Variants in CNIH3 observed in about 807,000 individuals in gnomAD.
CNIH3 encodes the protein protein cornichon homolog 3.
CNIH3 carries 14 observed loss-of-function variants against 24.1 expected under a neutral mutation model. The ratio of observed to expected loss-of-function variants is 0.58; its 90% CI spans 0.38 to 0.91. CNIH3 has a LOEUF of 0.91. Ranked by LOEUF, CNIH3 falls within the 40% of genes least tolerant of loss-of-function variation. The pLI is 0.00. For synonymous variants in CNIH3, 68 were observed against 73.8 expected (o/e 0.92, Z 0.40); for missense variants, 178 against 196.8 (o/e 0.90, Z 0.57).
intron 1 of CNIH3, among the ~76,000 whole-genome samples, chr1:224,647,098 T>C (rs1463010488): frequency 6.6e-6 from 1 of 152,192 alleles, no homozygotes; most frequent in Non-Finnish European, 1.5e-5. Context: ...GCGATTCTCC[T>C]GCTTCAGCCT....
intron 1 of CNIH3, among the ~76,000 whole-genome samples, chr1:224,450,588 G>T (rs1572263779): frequency 6.6e-6 from 1 of 152,200 alleles, no homozygotes; most frequent in East Asian, 1.9e-4. Context: ...GCATTAAAAG[G>T]ACACAATGAA....
At chr1:224,606,992 A>G (rs559647233) in intron 3 of CNIH3, among the ~76,000 whole-genome samples, 25 of 152,354 alleles carry the variant, frequency 1.6e-4, no homozygotes, top group African/African-American at 6.0e-4. Flanking sequence ...TATTTTAAAG[A>G]AAAAGGTGAT....
chr1:224,492,590 T>C (rs1677275922), intron 1 of CNIH3, among the ~76,000 whole-genome samples: 1 of 152,196 alleles, frequency 6.6e-6, no homozygotes, highest in South Asian at 2.1e-4. Context: ...ACATAATCAT[T>C]ATTGTTTGAA....
In CNIH3 at chr1:224,703,863, T is replaced by A. The variant is rs929250401; in HGVS notation, c.198+19020T>A. On this transcript the variant is annotated intron_variant, in intron 3 of 5. Coordinates refer to ENST00000272133, the MANE Select transcript of CNIH3 (RefSeq NM_152495.2). The surrounding 1 kb of genome is among the most constrained non-coding windows in gnomAD (Gnocchi z 4.2). ...CAGCAGGTATTTAGGCAGAACAAGA[T>A]GAGCACCTGCATATTCTCCCTGCAG... Among the ~76,000 whole-genome samples the A allele has an allele frequency of 2.0e-5, 3 of 152,194 alleles. No individual in the cohort carries two copies. The highest frequency in any genetic ancestry group is 1.5e-5 in the Non-Finnish European group (1 of 68,034).
intron 1 of CNIH3, among the ~76,000 whole-genome samples, chr1:224,654,432 T>G (rs1685005771): frequency 1.3e-5 from 2 of 152,316 alleles, no homozygotes; most frequent in Non-Finnish European, 2.9e-5. Flanking sequence ...CCCAGATGCA[T>G]GCCTCCTTGC....
Position 224,502,446 on chromosome 1 carries a change from T to G in CNIH3, n.204-13295T>G, listed in dbSNP as rs74355513. The stretch of plus-strand genomic sequence containing the variant: ...GGAGCAAGAGCCGAAAGCCTTTTAT[T>G]TGGAGGCTGGCCTATTTCTTTATCG... On this transcript the variant is annotated intron_variant and non_coding_transcript_variant, in intron 1 of 5. Coordinates refer to the CNIH3 transcript ENST00000471578. 6.2e-3 allele frequency among the ~76,000 whole-genome samples: 943 copies of G among 152,302 alleles called. 25 individuals carry two copies. The highest frequency in any genetic ancestry group is 0.041 in the East Asian group (211 of 5,178).
chr1:224,477,143 G>A (rs7536124), intron 1 of CNIH3, among the ~76,000 whole-genome samples: 126,154 of 152,170 alleles, frequency 0.83, 52,733 homozygotes, highest in East Asian at 0.97. Flanking sequence ...GAAAGCAAGC[G>A]GACTCACAGT....
At chr1:224,538,475 G>A (rs981380248), downstream of CNIH3, among the ~76,000 whole-genome samples, 1 of 152,040 alleles carries the variant, frequency 6.6e-6, no homozygotes, top group Non-Finnish European at 1.5e-5. Flanking sequence ...TCGTAGCACC[G>A]AATGAGGTTG....
At chr1:224,529,572 TA>T (rs1156507035) in intron 2 of CNIH3, among the ~76,000 whole-genome samples, 1 of 152,154 alleles carries the variant, frequency 6.6e-6, no homozygotes, top group Non-Finnish European at 1.5e-5. Flanking sequence ...CAGAAGGACC[TA>T]TAGCCTCCTC....
intron 3 of CNIH3, among the ~76,000 whole-genome samples, chr1:224,601,745 TG>T (rs1157979141): frequency 1.3e-5 from 2 of 152,218 alleles, no homozygotes; most frequent in Non-Finnish European, 2.9e-5. Flanking sequence ...CCACCCAGTC[TG>T]TTGAGCTTTG....
chr1:224,692,986 T>C (rs1055453739), intron 3 of CNIH3, among the ~76,000 whole-genome samples: 33 of 152,218 alleles, frequency 2.2e-4, no homozygotes, highest in African/African-American at 7.7e-4. Context: ...CTTTTAAGGC[T>C]CTTTTTCTAA....
intron 1 of CNIH3, among the ~76,000 whole-genome samples, chr1:224,435,502 T>C (rs1048671528): frequency 6.6e-6 from 1 of 152,148 alleles, no homozygotes; most frequent in African/African-American, 2.4e-5. Flanking sequence ...GGGGAGGGAC[T>C]CTGCTGTTGA....
intron 3 of CNIH3, among the ~76,000 whole-genome samples, chr1:224,694,406 C>G (rs1196618903): frequency 6.6e-6 from 1 of 152,182 alleles, no homozygotes; most frequent in Non-Finnish European, 1.5e-5. Flanking sequence ...GGTCCCTAAA[C>G]CTGGCTGTTC....
chr1:224,722,900 C>G (rs569414331), intron 3 of CNIH3, among the ~76,000 whole-genome samples: 6 of 152,268 alleles, frequency 3.9e-5, no homozygotes, highest in Admixed American at 1.3e-4. Flanking sequence ...ATGGAAGAAG[C>G]CTTCTTCCTC....
At chr1:224,671,552 C>A (rs538573536) in intron 1 of CNIH3, among the ~76,000 whole-genome samples, 1 of 152,350 alleles carries the variant, frequency 6.6e-6, no homozygotes, top group South Asian at 2.1e-4. Flanking sequence ...CTGGCCCCAG[C>A]ACTGCCCTCT....
chr1:224,570,335 C>T (rs6667012), intron 4 of CNIH3, among the ~76,000 whole-genome samples: 19,852 of 152,060 alleles, frequency 0.13, 1,426 homozygotes, highest in East Asian at 0.26. Flanking sequence ...CCACCTCTAG[C>T]AGTCTCCAGT....
intron 3 of CNIH3, among the ~76,000 whole-genome samples, chr1:224,556,764 C>T (rs984444351): frequency 6.6e-6 from 1 of 152,234 alleles, no homozygotes; most frequent in South Asian, 2.1e-4. Context: ...CTGCTCACCT[C>T]CTGCTGTGTG....
At chr1:224,548,805 A>C (rs551112360) in intron 3 of CNIH3, among the ~76,000 whole-genome samples, 1 of 150,340 alleles carries the variant, frequency 6.7e-6, no homozygotes, top group East Asian at 2.0e-4. Flanking sequence ...TAGCATTTCA[A>C]GGTGACACTA....
At chr1:224,441,292 A>G (rs1329860349) in intron 1 of CNIH3, among the ~76,000 whole-genome samples, 1 of 152,216 alleles carries the variant, frequency 6.6e-6, no homozygotes, top group Admixed American at 6.5e-5. Context: ...GTTATTAAGT[A>G]TATTTGACAG....
Sources: gnomAD v4.1 joint callset for allele counts (sites outside exome capture counted in the v4.1 genomes callset) on GRCh38, gnomAD v4.1.1 for gene constraint, Gnocchi (gnomAD v3.1) non-coding constraint, MANE v1.5 for transcripts, NCBI Gene and HGNC (gene_info 2026-07-23, HGNC 2026-07-21) for gene names.